HS3ST5: variants seen among roughly 807,000 people sequenced by gnomAD.
HS3ST5 encodes the protein heparan sulfate-glucosamine 3-sulfotransferase 5, also known as heparan sulfate glucosamine 3-O-sulfotransferase 5.
A neutral mutation model predicts 25.4 loss-of-function variants in HS3ST5; 10 were observed. The observed-to-expected ratio is 0.39, with a 90% CI of 0.24 to 0.67. The LOEUF (loss-of-function observed/expected upper bound fraction) is 0.67, where lower values mean the gene tolerates loss of function less well. Among genes scored for constraint, HS3ST5 ranks in the 30% least tolerant of loss-of-function variants. HS3ST5 has a pLI of 0.44. For missense variants in HS3ST5, 324 were observed against 420.7 expected, an observed-to-expected ratio of 0.77 and a Z score of 2.01; for synonymous variants, 170 against 162.4, an observed-to-expected ratio of 1.05 and a Z score of -0.36.
At chr6:114,244,724 A>C (rs1238678013) in intron 1 of HS3ST5, among the ~76,000 whole-genome samples, 2 of 152,188 alleles carry the variant, frequency 1.3e-5, no homozygotes, top group Admixed American at 1.3e-4. Flanking sequence ...AGACCAAAAA[A>C]AGAAAAAAAT....
chr6:114,317,066 C>T (rs186639183), intron 1 of HS3ST5, among the ~76,000 whole-genome samples: 1 of 152,282 alleles, frequency 6.6e-6, no homozygotes, highest in East Asian at 1.9e-4. Flanking sequence ...TGATTCAAAG[C>T]TCTGATTTAA....
chr6:114,100,061 G>A (rs1775644759), intron 3 of HS3ST5, among the ~76,000 whole-genome samples: 1 of 152,044 alleles, frequency 6.6e-6, no homozygotes, highest in African/African-American at 2.4e-5. Context: ...CCTATATTGT[G>A]GTTCTCTCTG....
At chr6:114,230,881 C>G (rs1412863148) in intron 1 of HS3ST5, among the ~76,000 whole-genome samples, 2 of 152,156 alleles carry the variant, frequency 1.3e-5, no homozygotes, top group African/African-American at 4.8e-5. Flanking sequence ...AGCCACCGCG[C>G]CCGGCCCCTA....
intron 3 of HS3ST5, among the ~76,000 whole-genome samples, chr6:114,124,442 C>A (rs77785499): frequency 0.035 from 5,315 of 152,274 alleles, 136 homozygotes; most frequent in Non-Finnish European, 0.056. Flanking sequence ...CTAACCACAC[C>A]CATTCCCTGG....
At chr6:114,125,916 C>G (rs1777014834) in intron 3 of HS3ST5, among the ~76,000 whole-genome samples, 2 of 152,158 alleles carry the variant, frequency 1.3e-5, no homozygotes, top group Admixed American at 1.3e-4. Flanking sequence ...TGGAAGCTGA[C>G]AGGCAGTATT....
chr6:114,249,124 CT>C (rs1772523820), intron 1 of HS3ST5, among the ~76,000 whole-genome samples: 1 of 152,136 alleles, frequency 6.6e-6, no homozygotes. Flanking sequence ...AAATAATTTC[CT>C]TGTGATTTCC....
chr6:114,068,875 C>G (rs535000769), intron 3 of HS3ST5, among the ~76,000 whole-genome samples: 93 of 152,264 alleles, frequency 6.1e-4, no homozygotes, highest in African/African-American at 1.9e-3. Flanking sequence ...TCTTCAGACT[C>G]TTAAAGCTTT....
intron 3 of HS3ST5, among the ~76,000 whole-genome samples, chr6:114,070,280 A>G (rs969179488): frequency 4.3e-5 from 6 of 139,950 alleles, no homozygotes; most frequent in African/African-American, 1.1e-4. Flanking sequence ...TGGGGAGATG[A>G]AAAAAAAAAA....
intron 2 of HS3ST5, among the ~76,000 whole-genome samples, chr6:114,194,415 C>A (rs1414622158): frequency 6.6e-6 from 1 of 152,170 alleles, no homozygotes; most frequent in Non-Finnish European, 1.5e-5. Context: ...GTCGGACACA[C>A]TTTGTCACGT....
intron 1 of HS3ST5, among the ~76,000 whole-genome samples, chr6:114,257,111 A>G (rs1435408852): frequency 6.6e-6 from 1 of 152,054 alleles, no homozygotes; most frequent in Non-Finnish European, 1.5e-5. Context: ...TGATTCAATT[A>G]TCTCCCACCG....
intron 3 of HS3ST5, among the ~76,000 whole-genome samples, chr6:114,074,035 T>C (rs1773979718): frequency 6.6e-6 from 1 of 151,910 alleles, no homozygotes; most frequent in South Asian, 2.1e-4. Context: ...CTCAGCAAAA[T>C]AGCACAAGGT....
At chr6:114,080,611 A>C (rs1774396666) in intron 3 of HS3ST5, among the ~76,000 whole-genome samples, 3 of 152,260 alleles carry the variant, frequency 2.0e-5, no homozygotes. Context: ...GCCATAAAAA[A>C]TGAAACCATG....
chr6:114,226,176 A>C (rs1771278160), intron 2 of HS3ST5, among the ~76,000 whole-genome samples: 1 of 152,006 alleles, frequency 6.6e-6, no homozygotes, highest in Admixed American at 6.6e-5. Flanking sequence ...ATAGTTAGAG[A>C]ATTCTTGAAA....
chr6:114,275,064 T>C (rs114889261), intron 1 of HS3ST5, among the ~76,000 whole-genome samples: 2,419 of 152,070 alleles, frequency 0.016, 76 homozygotes, highest in African/African-American at 0.055. Flanking sequence ...ATTAGAGGCC[T>C]TCCCTGACTT....
chr6:114,305,978 A>C (rs542485997), intron 1 of HS3ST5, among the ~76,000 whole-genome samples: 2 of 152,216 alleles, frequency 1.3e-5, no homozygotes, highest in South Asian at 4.1e-4. Context: ...ACTGGTTGGC[A>C]TCTTGAATTA....
intron 3 of HS3ST5, among the ~76,000 whole-genome samples, chr6:114,165,324 C>T (rs764780449): frequency 6.6e-6 from 1 of 152,146 alleles, no homozygotes; most frequent in Non-Finnish European, 1.5e-5. Flanking sequence ...TCAGCATCAG[C>T]GCTAGGTCAC....
At chr6:114,256,850 G>T (rs1051790664) in intron 1 of HS3ST5, among the ~76,000 whole-genome samples, 9 of 152,026 alleles carry the variant, frequency 5.9e-5, no homozygotes, top group Non-Finnish European at 1.2e-4. Flanking sequence ...GTATTAATCT[G>T]TTTTCACACT....
At chr6:114,106,669 G>T (rs1003050648) in intron 3 of HS3ST5, among the ~76,000 whole-genome samples, 1 of 152,028 alleles carries the variant, frequency 6.6e-6, no homozygotes, top group Non-Finnish European at 1.5e-5. Flanking sequence ...CTTCCTTGCT[G>T]GTTTAGAGCT....
chr6:114,320,908 CTCTCTCTA>C (rs1184156290), intron 1 of HS3ST5, among the ~76,000 whole-genome samples: 4 of 100,996 alleles, frequency 4.0e-5, no homozygotes, highest in African/African-American at 1.4e-4. Flanking sequence ...CTCTCTCTCT[CTCTCTCTA>C]TATATATATA....
Sources: gnomAD v4.1 joint callset for allele counts (sites outside exome capture counted in the v4.1 genomes callset) on GRCh38, gnomAD v4.1.1 for gene constraint, MANE v1.5 for transcripts, NCBI Gene and HGNC (gene_info 2026-07-23, HGNC 2026-07-21) for gene names.